ITPR2: variants seen among roughly 807,000 people sequenced by gnomAD.
The protein encoded by ITPR2 is inositol 1,4,5-trisphosphate-gated calcium channel ITPR2.
A neutral mutation model predicts 317.1 loss-of-function variants in ITPR2; 207 were observed. The ratio of observed to expected loss-of-function variants is 0.65; its 90% confidence interval spans 0.58 to 0.73. The LOEUF (loss-of-function observed/expected upper bound fraction) is 0.73, where lower values mean the gene tolerates loss of function less well. ITPR2 is among the 30% of genes least tolerant of loss of function. The pLI is 0.00. For synonymous variants in ITPR2, 1,156 were observed against 1,149.1 expected (o/e 1.01, Z -0.12); for missense variants, 2,613 against 3,284.0 (o/e 0.80, Z 4.99).
At chr12:26,343,142 C>T (rs576173084) in intron 55 of ITPR2, among the ~76,000 whole-genome samples, 2 of 152,248 alleles carry the variant, frequency 1.3e-5, no homozygotes, top group South Asian at 2.1e-4. Flanking sequence ...GAATAACTTT[C>T]TTTTCTTTAT....
intron 45 of ITPR2, among the ~76,000 whole-genome samples, chr12:26,464,481 C>T (rs1447733060): frequency 6.6e-6 from 1 of 152,168 alleles, no homozygotes; most frequent in East Asian, 1.9e-4. Flanking sequence ...GCTTGCTTGC[C>T]TGCCACTCAC....
intron 25 of ITPR2, 95 bp downstream of exon 25, chr12:26,622,145 A>C: frequency 9.3e-7 from 1 of 1,072,208 alleles, no homozygotes; most frequent in Non-Finnish European, 1.3e-6. Context: ...AAAGCCACAC[A>C]GTGTCATTAC....
intron 26 of ITPR2, among the ~76,000 whole-genome samples, chr12:26,615,345 A>C (rs1217310538): frequency 6.6e-6 from 1 of 152,084 alleles, no homozygotes; most frequent in East Asian, 1.9e-4. Context: ...TTTGAAAAAA[A>C]TGAAATTTCA....
At chr12:26,432,014 A>C (rs1194145039) in intron 48 of ITPR2, among the ~76,000 whole-genome samples, 1 of 130,258 alleles carries the variant, frequency 7.7e-6, no homozygotes, top group African/African-American at 2.9e-5. Flanking sequence ...GGTTGGACAG[A>C]CTCCTTACAT....
intron 55 of ITPR2, among the ~76,000 whole-genome samples, chr12:26,349,422 G>C (rs572212695): frequency 1.1e-4 from 16 of 152,174 alleles, no homozygotes; most frequent in African/African-American, 2.9e-4. Flanking sequence ...AAATTTGTGT[G>C]GATTGAGAAA....
At chr12:26,749,391 A>AT (rs1457134688) in intron 2 of ITPR2, among the ~76,000 whole-genome samples, 1 of 152,192 alleles carries the variant, frequency 6.6e-6, no homozygotes, top group Non-Finnish European at 1.5e-5. Flanking sequence ...GTCATAACTG[A>AT]TTTTTTTAAC....
chr12:26,505,815 C>G (rs762026613), intron 37 of ITPR2, among the ~76,000 whole-genome samples: 5 of 152,058 alleles, frequency 3.3e-5, no homozygotes, highest in Non-Finnish European at 7.4e-5. Flanking sequence ...AGAGATCACT[C>G]AATTTATCAA....
At chr12:26,715,048 ATG>A (rs148080935) in intron 8 of ITPR2, among the ~76,000 whole-genome samples, 1 of 151,528 alleles carries the variant, frequency 6.6e-6, no homozygotes, top group African/African-American at 2.4e-5. Context: ...CCTTTTGTAA[ATG>A]TGTGTGTGTG....
chr12:26,368,207 T>C (rs974426815), intron 55 of ITPR2, among the ~76,000 whole-genome samples: 1 of 152,252 alleles, frequency 6.6e-6, no homozygotes, highest in Non-Finnish European at 1.5e-5. Flanking sequence ...CACCACAAAA[T>C]ATCAGCACTC....
intron 5 of ITPR2, among the ~76,000 whole-genome samples, chr12:26,718,434 T>G (rs1948778064): frequency 6.6e-6 from 1 of 152,058 alleles, no homozygotes. Flanking sequence ...TAAGTCTTGC[T>G]ATTTTACTAT....
chr12:26,749,488 G>A (rs1174606856), intron 2 of ITPR2, among the ~76,000 whole-genome samples: 6 of 152,074 alleles, frequency 3.9e-5, no homozygotes, highest in Non-Finnish European at 8.8e-5. Context: ...TTCACCACCA[G>A]CTCCTGATTC....
chr12:26,776,212 C>T (rs1198246093), intron 2 of ITPR2, among the ~76,000 whole-genome samples: 1 of 152,060 alleles, frequency 6.6e-6, no homozygotes, highest in Non-Finnish European at 1.5e-5. Context: ...TCCTGACTCA[C>T]CACTCATGAG....
At chr12:26,574,031 G>T (rs1945221669) in intron 34 of ITPR2, among the ~76,000 whole-genome samples, 1 of 152,166 alleles carries the variant, frequency 6.6e-6, no homozygotes, top group South Asian at 2.1e-4. Flanking sequence ...GAGAGATTCT[G>T]GAAATGGGTC....
intron 37 of ITPR2, among the ~76,000 whole-genome samples, chr12:26,505,748 A>C (rs1943169430): frequency 1.3e-5 from 2 of 152,120 alleles, no homozygotes; most frequent in Non-Finnish European, 1.5e-5. Context: ...CAAAGCTAGC[A>C]AACTAAGTAC....
At chr12:26,510,592 C>T (rs1441766178) in intron 37 of ITPR2, among the ~76,000 whole-genome samples, 1 of 152,206 alleles carries the variant, frequency 6.6e-6, no homozygotes, top group Admixed American at 6.5e-5. Context: ...AGACAATCAG[C>T]ATGCACAGAA....
At chr12:26,755,409 G>C (rs1346478796) in intron 2 of ITPR2, among the ~76,000 whole-genome samples, 2 of 152,170 alleles carry the variant, frequency 1.3e-5, no homozygotes, top group African/African-American at 4.8e-5. Flanking sequence ...TGAATATCAA[G>C]CAAAACGAAT....
chr12:26,730,690 CTTTTA>C (rs940790443), intron 2 of ITPR2, among the ~76,000 whole-genome samples: 1 of 152,016 alleles, frequency 6.6e-6, no homozygotes, highest in Non-Finnish European at 1.5e-5. Context: ...AGAATTACAA[CTTTTA>C]TTTATTTATT....
chr12:26,552,258 A>G (rs1442336164), intron 36 of ITPR2, among the ~76,000 whole-genome samples: 1 of 152,076 alleles, frequency 6.6e-6, no homozygotes, highest in African/African-American at 2.4e-5. Flanking sequence ...ATGTGATCAT[A>G]GCTCATTGCA....
At chr12:26,713,592 A>T (rs934553007) in intron 8 of ITPR2, among the ~76,000 whole-genome samples, 6 of 152,338 alleles carry the variant, frequency 3.9e-5, no homozygotes, top group African/African-American at 1.4e-4. Flanking sequence ...GAAAGGGTTC[A>T]CTGCAGTAGT....
Sources: allele counts gnomAD v4.1 joint callset (sites outside exome capture counted in the v4.1 genomes callset), GRCh38; gene constraint gnomAD v4.1.1; transcripts MANE v1.5; gene names NCBI Gene and HGNC (gene_info 2026-07-23, HGNC 2026-07-21).